DYSF: variants seen among roughly 807,000 people sequenced by gnomAD.
DYSF encodes the protein dystrophy-associated fer-1-like 1.
DYSF carries 212 observed loss-of-function variants against 274.9 expected under a neutral mutation model. The ratio of observed to expected loss-of-function variants is 0.77; its 90% CI spans 0.69 to 0.86. The LOEUF (loss-of-function observed/expected upper bound fraction) is 0.86, where lower values mean the gene tolerates loss of function less well. Among genes scored for constraint, DYSF ranks in the 40% least tolerant of loss-of-function variants. The probability of loss-of-function intolerance (pLI) is 0.00; values close to 1 mark genes in which losing one functional copy is unlikely to be tolerated. For synonymous variants in DYSF, 1,091 were observed against 1,078.7 expected, an observed-to-expected ratio of 1.01 and a Z score of -0.22; for missense variants, 2,666 against 2,783.2, an observed-to-expected ratio of 0.96 and a Z score of 0.95.
chr2:71,545,632 G>C (rs2090406771), intron 17 of DYSF, among the ~76,000 whole-genome samples: 1 of 152,192 alleles, frequency 6.6e-6, no homozygotes, highest in Admixed American at 6.5e-5. Context: ...TTTCTGACTG[G>C]CACTGTCTCT....
At chr2:71,605,908 G>A (rs2093638015) in intron 36 of DYSF, among the ~76,000 whole-genome samples, 1 of 152,112 alleles carries the variant, frequency 6.6e-6, no homozygotes, top group African/African-American at 2.4e-5. Flanking sequence ...AGCTGGGTGG[G>A]GCAGGCAGAC....
At chr2:71,659,146 G>C in intron 44 of DYSF, 113 bp downstream of exon 44, 1 of 1,430,846 alleles carries the variant, frequency 7.0e-7, no homozygotes, top group Non-Finnish European at 9.7e-7. Context: ...TTGGGAAACA[G>C]ACAAACACAC....
At chr2:71,638,418 T>A (rs576572844) in intron 41 of DYSF, among the ~76,000 whole-genome samples, 2 of 151,528 alleles carry the variant, frequency 1.3e-5, no homozygotes, top group East Asian at 3.9e-4. Flanking sequence ...ACTGTCAAAT[T>A]TATGCTATTA....
At chr2:71,677,657 G>GATTA (rs1553419995) in intron 52 of DYSF, among the ~76,000 whole-genome samples, 4 of 151,422 alleles carry the variant, frequency 2.6e-5, no homozygotes, top group Non-Finnish European at 4.4e-5. Context: ...CACCTACTAA[G>GATTA]ATAATAGTAA....
chr2:71,539,336 A>C (rs1459864580), intron 17 of DYSF, 97 bp downstream of exon 17: 5 of 1,125,180 alleles, frequency 4.4e-6, no homozygotes, highest in Admixed American at 3.7e-5. Flanking sequence ...TTTGCAGAAA[A>C]GGGGAGATTA....
chr2:71,457,661 G>C (rs900079882), intron 1 of DYSF, among the ~76,000 whole-genome samples: 1 of 152,108 alleles, frequency 6.6e-6, no homozygotes, highest in Non-Finnish European at 1.5e-5. Flanking sequence ...TATCTCAGGG[G>C]GTCCTTGCTC....
upstream of DYSF, among the ~76,000 whole-genome samples, chr2:71,462,891 G>A (rs1316680811): frequency 6.6e-6 from 1 of 152,198 alleles, no homozygotes; most frequent in Non-Finnish European, 1.5e-5. Flanking sequence ...GGGAGGAAGT[G>A]TGTGCTGTTT....
intron 1 of DYSF, chr2:71,454,107 T>G (rs1024419612): frequency 6.2e-7 from 1 of 1,607,818 alleles, no homozygotes; most frequent in Non-Finnish European, 8.5e-7. Flanking sequence ...CCGACCACCC[T>G]CGCCCGGGGT....
At chr2:71,553,959 C>G in intron 21 of DYSF, 28 bp downstream of exon 21, 2 of 1,614,044 alleles carry the variant, frequency 1.2e-6, no homozygotes, top group Non-Finnish European at 1.7e-6. Flanking sequence ...CAAAGCTGCA[C>G]ATGCCTATGC....
intron 1 of DYSF, among the ~76,000 whole-genome samples, chr2:71,479,233 T>C (rs2082677312): frequency 7.2e-6 from 1 of 138,238 alleles, no homozygotes; most frequent in Admixed American, 7.5e-5. Context: ...TCGTTTCTTT[T>C]CCTGATGCTT....
chr2:71,486,749 A>C (rs1446194147), intron 3 of DYSF, among the ~76,000 whole-genome samples: 1 of 152,164 alleles, frequency 6.6e-6, no homozygotes, highest in Non-Finnish European at 1.5e-5. Flanking sequence ...GGCTAAAATC[A>C]GGTTTCCAAT....
At chr2:71,633,763 C>T (rs847622) in intron 41 of DYSF, among the ~76,000 whole-genome samples, 76,530 of 151,902 alleles carry the variant, frequency 0.5, 19,370 homozygotes, top group Admixed American at 0.58. Flanking sequence ...GTTATAACCT[C>T]GGTGACAAAT....
intron 51 of DYSF, among the ~76,000 whole-genome samples, chr2:71,672,581 G>C (rs1165187094): frequency 6.6e-6 from 1 of 152,170 alleles, no homozygotes; most frequent in East Asian, 1.9e-4. Flanking sequence ...TAAACAGCTA[G>C]TAAAAGCGCC....
chr2:71,516,223 A>T lies in DYSF; in HGVS notation c.932A>T (p.Asp311Val). 6.2e-7 allele frequency: 1 copy of T among 1,614,114 alleles called. No homozygotes were observed. The highest frequency in any genetic ancestry group is 2.2e-5 in the East Asian group (1 of 44,882). Reference sequence around the variant, plus strand: ...TTTGACTCTCCTGGGGAGCTGTTTGATGAGCCCATCTTTATCACGGTATGT... The same window carrying T: ...TTTGACTCTCCTGGGGAGCTGTTTGTTGAGCCCATCTTTATCACGGTATGT... Reference protein sequence around the residue: ...NLFDSPGELFDEPIFITVVDS... With the variant: ...NLFDSPGELFVEPIFITVVDS... Residue 311 changes from aspartate to valine, a missense_variant, in exon 9 of 56, where the codon GAT (aspartate) becomes GTT (valine). Physicochemically the swap from Asp to Val is radical, Grantham distance 152 (BLOSUM62 -3). Coordinates refer to ENST00000410020, the MANE Select transcript of DYSF (RefSeq NM_001130987.2).
chr2:71,629,723 A>T (rs1169201090), intron 41 of DYSF, among the ~76,000 whole-genome samples: 1 of 152,152 alleles, frequency 6.6e-6, no homozygotes, highest in Non-Finnish European at 1.5e-5. Context: ...TTTTCTTTAC[A>T]TTCCCATCAG....
chr2:71,489,092 TC>T (rs2083594483), intron 3 of DYSF, among the ~76,000 whole-genome samples: 1 of 152,136 alleles, frequency 6.6e-6, no homozygotes, highest in African/African-American at 2.4e-5. Flanking sequence ...ATCACTACAC[TC>T]CCTGAACCTT....
chr2:71,607,799 G>A (rs1049439734), intron 36 of DYSF, among the ~76,000 whole-genome samples: 1 of 152,190 alleles, frequency 6.6e-6, no homozygotes. Context: ...AAGAGAGCAG[G>A]TTCTGAGGGG....
At chr2:71,466,061 G>A (rs1159438923), upstream of DYSF, among the ~76,000 whole-genome samples, 1 of 152,174 alleles carries the variant, frequency 6.6e-6, no homozygotes, top group Non-Finnish European at 1.5e-5. Context: ...AAGGCTCCGA[G>A]GAGGGTTGGT....
chr2:71,589,981 A>G (rs559046746), intron 31 of DYSF, among the ~76,000 whole-genome samples: 1 of 151,698 alleles, frequency 6.6e-6, no homozygotes, highest in Non-Finnish European at 1.5e-5. Flanking sequence ...CTCTTCCTCT[A>G]TCTCTTCTCC....
Sources: allele counts gnomAD v4.1 joint callset (sites outside exome capture counted in the v4.1 genomes callset), GRCh38; gene constraint gnomAD v4.1.1; transcripts MANE v1.5; gene names NCBI Gene and HGNC (gene_info 2026-07-23, HGNC 2026-07-21).